Variants in TNFSF4 observed in about 807,000 individuals in gnomAD.
The protein encoded by TNFSF4 is tumor necrosis factor ligand superfamily member 4.
TNFSF4 carries 4 observed loss-of-function variants against 7.3 expected under a neutral mutation model. The observed-to-expected ratio is 0.55, with a 90% CI of 0.27 to 1.25. The LOEUF (loss-of-function observed/expected upper bound fraction) is 1.25. Among genes scored for constraint, TNFSF4 ranks in the 50% most tolerant of loss-of-function variants. TNFSF4 has a pLI of 0.12. For missense variants in TNFSF4, 181 were observed against 208.8 expected (o/e 0.87, Z 0.82); for synonymous variants, 76 against 83.7 (o/e 0.91, Z 0.50).
At chr1:173,227,139 A>T in the TNFSF4 span, among the ~76,000 whole-genome samples, 1 of 151,410 alleles carries the variant, frequency 6.6e-6, no homozygotes, top group South Asian at 2.1e-4. Context: ...GGAATACTTA[A>T]CAAGCTTTAA....
At chr1:173,441,833 C>G in the TNFSF4 span, 1 of 152,260 alleles carries the variant, frequency 6.6e-6, no homozygotes, top group East Asian at 1.9e-4. Flanking sequence ...TACCTCCACC[C>G]AAAGAACGTA....
At chr1:173,320,515 A>G in the TNFSF4 span, among the ~76,000 whole-genome samples, 2 of 152,176 alleles carry the variant, frequency 1.3e-5, no homozygotes, top group Admixed American at 6.5e-5. Context: ...GGGTATTCAA[A>G]TAGGAAGAAA....
chr1:173,415,129 TTGCAATAATCTTGACCCTTAC>T, the TNFSF4 span, among the ~76,000 whole-genome samples: 7 of 152,250 alleles, frequency 4.6e-5, no homozygotes, highest in Non-Finnish European at 8.8e-5. Context: ...CTCTCACCTA[TTGCAATAATCTTGACCCTTAC>T]TGCAATAGCC....
At chr1:173,378,100 G>A in the TNFSF4 span, among the ~76,000 whole-genome samples, 1 of 152,192 alleles carries the variant, frequency 6.6e-6, no homozygotes. Flanking sequence ...GCATCAGTAA[G>A]GGCGACTAAA....
chr1:173,273,640 A>G, the TNFSF4 span, among the ~76,000 whole-genome samples: 1 of 152,234 alleles, frequency 6.6e-6, no homozygotes, highest in South Asian at 2.1e-4. Flanking sequence ...ATTTCAGAGG[A>G]ATTACACATT....
the TNFSF4 span, among the ~76,000 whole-genome samples, chr1:173,381,398 C>T: frequency 3.3e-5 from 5 of 152,212 alleles, no homozygotes; most frequent in African/African-American, 1.2e-4. Context: ...CTTACACCAA[C>T]CTGTGGAGTT....
the TNFSF4 span, among the ~76,000 whole-genome samples, chr1:173,367,797 A>G: frequency 6.6e-6 from 1 of 152,180 alleles, no homozygotes; most frequent in South Asian, 2.1e-4. Context: ...CAATGGAATA[A>G]AACCCTAATG....
the TNFSF4 span, among the ~76,000 whole-genome samples, chr1:173,279,556 A>C: frequency 6.6e-6 from 1 of 152,078 alleles, no homozygotes; most frequent in African/African-American, 2.4e-5. Context: ...TCATGGTCCA[A>C]AACTGAACTC....
chr1:173,287,393 A>C, the TNFSF4 span, among the ~76,000 whole-genome samples: 89 of 152,328 alleles, frequency 5.8e-4, 3 homozygotes, highest in East Asian at 3.9e-4. Flanking sequence ...CACCCACCAG[A>C]ATTACCAAAA....
chr1:173,232,181 C>T, the TNFSF4 span, among the ~76,000 whole-genome samples: 27 of 152,188 alleles, frequency 1.8e-4, no homozygotes, highest in Admixed American at 8.5e-4. Context: ...AGAGGTCCTT[C>T]GTGTCCCTTG....
chr1:173,354,002 G>T, the TNFSF4 span, among the ~76,000 whole-genome samples: 8 of 150,898 alleles, frequency 5.3e-5, no homozygotes, highest in Non-Finnish European at 3.0e-5. Flanking sequence ...AATTGAAGGA[G>T]GTCGAGACAC....
At chr1:173,259,020 G>A in the TNFSF4 span, among the ~76,000 whole-genome samples, 6,817 of 152,142 alleles carry the variant, frequency 0.045, 186 homozygotes, top group African/African-American at 0.073. Flanking sequence ...GCAGGTCCCC[G>A]ATCCTATGCT....
chr1:173,381,683 A>G, the TNFSF4 span, among the ~76,000 whole-genome samples: 6 of 152,150 alleles, frequency 3.9e-5, no homozygotes, highest in Non-Finnish European at 8.8e-5. Flanking sequence ...ACCCCTATCC[A>G]GCAGGAAGTA....
At chr1:173,396,414 G>A in the TNFSF4 span, among the ~76,000 whole-genome samples, 2 of 152,140 alleles carry the variant, frequency 1.3e-5, no homozygotes, top group Non-Finnish European at 2.9e-5. Flanking sequence ...GGAGGCTGAG[G>A]CAGGAGGATT....
the TNFSF4 span, among the ~76,000 whole-genome samples, chr1:173,252,463 C>A: frequency 6.6e-6 from 1 of 152,038 alleles, no homozygotes; most frequent in East Asian, 1.9e-4. Context: ...CCTTAAGGAG[C>A]CTTTCCACCA....
the TNFSF4 span, among the ~76,000 whole-genome samples, chr1:173,322,116 C>G: frequency 6.6e-6 from 1 of 152,186 alleles, no homozygotes; most frequent in African/African-American, 2.4e-5. Flanking sequence ...CATATACACT[C>G]GTGGACTACT....
the TNFSF4 span, among the ~76,000 whole-genome samples, chr1:173,394,987 C>CATAG: frequency 5.3e-3 from 672 of 126,898 alleles, 6 homozygotes; most frequent in South Asian, 6.6e-3. Flanking sequence ...ATAGAGGACA[C>CATAG]ATAGATAGAT....
chr1:173,369,300 T>C, the TNFSF4 span, among the ~76,000 whole-genome samples: 1 of 152,228 alleles, frequency 6.6e-6, no homozygotes. Context: ...CTTAGGACTC[T>C]AACAGGTTTT....
At chr1:173,423,688 A>G in the TNFSF4 span, among the ~76,000 whole-genome samples, 1 of 152,238 alleles carries the variant, frequency 6.6e-6, no homozygotes, top group African/African-American at 2.4e-5. Flanking sequence ...GGTGATGGAG[A>G]AGTAACAATT....
Sources: gnomAD v4.1 joint callset for allele counts (sites outside exome capture counted in the v4.1 genomes callset) on GRCh38, gnomAD v4.1.1 for gene constraint, MANE v1.5 for transcripts, NCBI Gene and HGNC (gene_info 2026-07-23, HGNC 2026-07-21) for gene names.